KIFC3: variants seen among roughly 807,000 people sequenced by gnomAD.
The protein encoded by KIFC3 is kinesin-like protein KIFC3.
Under a neutral mutation model 101.8 loss-of-function variants are expected in KIFC3, and 60 were observed. The ratio of observed to expected loss-of-function variants is 0.59; its 90% CI spans 0.48 to 0.73. KIFC3 has a LOEUF of 0.73. KIFC3 is among the 30% of genes least tolerant of loss of function. KIFC3 has a pLI of 0.00. For synonymous variants in KIFC3, 476 were observed against 482.7 expected (o/e 0.99, Z 0.18); for missense variants, 966 against 1,137.1 (o/e 0.85, Z 2.16).
At chr16:57,816,278 C>T (rs2055221961) in intron 1 of KIFC3, 1 of 1,284,558 alleles carries the variant, frequency 7.8e-7, no homozygotes. Context: ...TTGCCCCAAA[C>T]CCAGAAGCCT....
intron 1 of KIFC3, among the ~76,000 whole-genome samples, chr16:57,818,126 T>C (rs1290007745): frequency 6.6e-6 from 1 of 152,106 alleles, no homozygotes; most frequent in Non-Finnish European, 1.5e-5. Context: ...CCTCTATCTT[T>C]AGTAGAGATG....
At chr16:57,821,450 G>T (rs562029125) in intron 1 of KIFC3, among the ~76,000 whole-genome samples, 1 of 152,148 alleles carries the variant, frequency 6.6e-6, no homozygotes, top group African/African-American at 2.4e-5. Context: ...CCAGAACAGG[G>T]AAGAGTTTAT....
At chr16:57,826,250 G>A (rs1369875385) in intron 1 of KIFC3, among the ~76,000 whole-genome samples, 2 of 152,180 alleles carry the variant, frequency 1.3e-5, no homozygotes, top group African/African-American at 4.8e-5. Flanking sequence ...TCACCCTGTT[G>A]GAAAGCTCTC....
Position 57,760,289 on chromosome 16 carries a change from T to G in KIFC3, c.2360A>C (p.His787Pro), listed in dbSNP as rs781906016. Residue 787 changes from histidine (H) to proline (P), a missense_variant, in exon 17 of 20, where the codon CAT becomes CCT. By Grantham distance (77) the His-to-Pro change is moderately conservative (BLOSUM62 -2). Around this residue, in one of 2 missense-constraint regions of KIFC3, gnomAD observed 689 missense variants for 884.6 expected, o/e 0.78. Transcript: ENST00000445690. The stretch of plus-strand genomic sequence containing the variant: ...CTGTGACAGTCCCCGTACCTCTAGA[T>G]GCTCCTGGCTTGACCAGGACCCAAG... The part of the protein sequence containing the change: ...AELGSWSSQE[H>P]LEWEPACQTP... 4.5e-5 allele frequency: 72 copies of G among 1,612,266 alleles called. No individual in the cohort carries two copies. The highest frequency in any genetic ancestry group is 6.0e-5 in the Non-Finnish European group (71 of 1,178,942).
At chr16:57,832,321 CTTTTTTTT>C (rs1165977084) in intron 1 of KIFC3, among the ~76,000 whole-genome samples, 15 of 73,504 alleles carry the variant, frequency 2.0e-4, no homozygotes, top group South Asian at 1.3e-3. Context: ...GCGCCAGGCC[CTTTTTTTT>C]TTTTTTTTTT....
intron 1 of KIFC3, among the ~76,000 whole-genome samples, chr16:57,847,258 GGAA>G (rs1567339399): frequency 3.1e-4 from 29 of 93,356 alleles, no homozygotes; most frequent in African/African-American, 1.3e-3. Flanking sequence ...AAGGAAGGAA[GGAA>G]GGAAGGAAGG....
chr16:57,855,090 T>G (rs940713661), intron 1 of KIFC3, among the ~76,000 whole-genome samples: 3 of 148,520 alleles, frequency 2.0e-5, no homozygotes, highest in Admixed American at 1.3e-4. Context: ...ATAAAAAAGG[T>G]GAAAGGGGTT....
In KIFC3 at chr16:57,774,903, A is replaced by G. The variant is rs931964162; in HGVS notation, c.316-2615T>C. 2.0e-5 allele frequency: 29 copies of G among 1,432,816 alleles called. No homozygotes were observed. In the African/African-American group the frequency reaches 3.5e-4, roughly 17 times the overall value. 88.8% of individuals were successfully genotyped at this position (1,432,816 alleles called of 1,614,324 possible). A position where few individuals can be genotyped will look rare whatever the true frequency, so the allele number is the denominator to read the frequency against. On this transcript the variant is annotated intron_variant, in intron 3 of 19. Coordinates refer to ENST00000445690, the MANE Select transcript of KIFC3 (RefSeq NM_001130100.2). The stretch of plus-strand genomic sequence containing the variant: ...CATAAGTGAACTGACTTCCTCTTCA[A>G]AAGGTTGAAGTCTCCTTCCACGCCC...
chr16:57,861,102 G>A (rs953349102), intron 1 of KIFC3, among the ~76,000 whole-genome samples: 2 of 152,138 alleles, frequency 1.3e-5, no homozygotes, highest in Non-Finnish European at 2.9e-5. Flanking sequence ...AGCTTGTGAC[G>A]GGCTATTAGT....
chr16:57,774,865 C>G (rs2051829832), intron 3 of KIFC3: 1 of 1,375,178 alleles, frequency 7.3e-7, no homozygotes, highest in African/African-American at 1.5e-5. Context: ...AATTCCTACT[C>G]TCCCTACCCT....
At chr16:57,764,501 T>C (rs1161967099) in intron 11 of KIFC3, 17 of 498,378 alleles carry the variant, frequency 3.4e-5, no homozygotes, top group Non-Finnish European at 5.1e-5. Context: ...CCTCCTGCTC[T>C]CTCTCAAAGA....
In KIFC3 at chr16:57,759,739, A is replaced by G. The variant is rs1555593785; in HGVS notation, c.2465T>C (p.Leu822Pro). ...CACTCCAGGCTCACCCGAGGGCTGCAGCTTCCTCCGGATGGATCCAGGGCG... is the reference window on the plus strand; with the variant it reads ...CACTCCAGGCTCACCCGAGGGCTGCGGCTTCCTCCGGATGGATCCAGGGCG... ...SSRPGSIRRKLQPSA is the reference protein window; with the variant it reads ...SSRPGSIRRKPQPSA The change falls in exon 18 of 20, where the codon CTG becomes CCG. Residue 822 changes from leucine to proline, a missense_variant. Around this residue, in one of 2 missense-constraint regions of KIFC3, gnomAD observed 689 missense variants for 884.6 expected, o/e 0.78. Coordinates refer to ENST00000445690, the MANE Select transcript of KIFC3 (RefSeq NM_001130100.2). 2 of 1,609,618 alleles carry G rather than the reference A, an allele frequency of 1.2e-6. No homozygotes were observed. Among genetic ancestry groups the G allele is most frequent in the Non-Finnish European group, 1.7e-6 (2 of 1,178,002 alleles).
chr16:57,803,115 G>T, upstream of KIFC3: 2 of 1,279,946 alleles, frequency 1.6e-6, no homozygotes, highest in Non-Finnish European at 2.2e-6. Flanking sequence ...TGCACCCCCA[G>T]CCCCACCCCA....
At chr16:57,833,465 G>A (rs550932332) in intron 1 of KIFC3, among the ~76,000 whole-genome samples, 4 of 152,258 alleles carry the variant, frequency 2.6e-5, no homozygotes, top group African/African-American at 9.6e-5. Context: ...AATGAGCCCT[G>A]CACTGGGGAG....
intron 1 of KIFC3, among the ~76,000 whole-genome samples, chr16:57,847,262 GGA>G (rs1567339437): frequency 1.5e-4 from 12 of 79,596 alleles, no homozygotes; most frequent in Admixed American, 5.5e-4. Context: ...AAGGAAGGAA[GGA>G]AGGAAGGGAA....
rs2049608470 is a variant in KIFC3, at chr16:57,759,825, A to T, written c.2379T>A (p.Ala793=). The part of the protein sequence containing the change: ...SSQEHLEWEP[A]CQTPQPSARA... The stretch of plus-strand genomic sequence containing the variant: ...GTGCCGAGGGCTGTGGCGTCTGACA[A>T]GCCGGCTCCCACTGTGAGCAGGGAA... The change falls in exon 18 of 20, where the codon GCT becomes GCA. Residue 793 remains alanine, a synonymous_variant. Transcript: ENST00000445690. 6.2e-7 allele frequency: 1 copy of T among 1,608,744 alleles called. No homozygotes were observed. The highest frequency in any genetic ancestry group is 8.5e-7 in the Non-Finnish European group (1 of 1,178,138).
intron 19 of KIFC3, 58 bp downstream of exon 19, chr16:57,759,067 C>A (rs148205466): frequency 8.4e-6 from 13 of 1,545,894 alleles, no homozygotes. Flanking sequence ...CAGCGCAGCC[C>A]TGCAACCCAC....
intron 1 of KIFC3, among the ~76,000 whole-genome samples, chr16:57,837,958 G>A (rs2149306619): frequency 6.6e-6 from 1 of 152,286 alleles, no homozygotes; most frequent in Admixed American, 6.5e-5. Flanking sequence ...ACCCAGGTCC[G>A]CTAACTCCTG....
chr16:57,858,068 G>A (rs1238314039), intron 1 of KIFC3, among the ~76,000 whole-genome samples: 4 of 151,882 alleles, frequency 2.6e-5, no homozygotes, highest in South Asian at 2.1e-4. Context: ...CACCTGCCTC[G>A]GCCTCCAAAA....
Sources: allele counts gnomAD v4.1 joint callset (sites outside exome capture counted in the v4.1 genomes callset), GRCh38; gene constraint gnomAD v4.1.1; regional missense constraint gnomAD v4.1.1; transcripts MANE v1.5; gene names NCBI Gene and HGNC (gene_info 2026-07-23, HGNC 2026-07-21).